ASIC2: variants seen among roughly 807,000 people sequenced by gnomAD.
The protein encoded by ASIC2 is acid sensing ion channel subunit 2, also known as acid-sensing ion channel 2.
ASIC2 carries 25 observed loss-of-function variants against 57.3 expected under a neutral mutation model. That is an observed-to-expected ratio of 0.44 (90% CI 0.32 to 0.61). The LOEUF (loss-of-function observed/expected upper bound fraction) is 0.61. ASIC2 is among the 20% of genes least tolerant of loss of function. The probability of loss-of-function intolerance (pLI) is 0.06; values close to 1 mark genes in which losing one functional copy is unlikely to be tolerated. For synonymous variants in ASIC2, 319 were observed against 307.5 expected (o/e 1.04, Z -0.39); for missense variants, 641 against 738.1 (o/e 0.87, Z 1.52).
intron 1 of ASIC2, among the ~76,000 whole-genome samples, chr17:34,105,317 T>C (rs1030598404): frequency 1.3e-5 from 2 of 151,918 alleles, no homozygotes; most frequent in Non-Finnish European, 2.9e-5. Flanking sequence ...TTCATGTTAT[T>C]ATACTATAGA....
intron 1 of ASIC2, among the ~76,000 whole-genome samples, chr17:33,454,208 T>G (rs1478660227): frequency 6.6e-6 from 1 of 152,192 alleles, no homozygotes; most frequent in Non-Finnish European, 1.5e-5. Context: ...CACAGTGGTG[T>G]TGTGGGAAGT....
At chr17:33,774,690 A>T (rs1310955255) in intron 1 of ASIC2, among the ~76,000 whole-genome samples, 1 of 152,178 alleles carries the variant, frequency 6.6e-6, no homozygotes, top group Non-Finnish European at 1.5e-5. Context: ...GTTTGGAGAC[A>T]TACACACTTT....
intron 1 of ASIC2, among the ~76,000 whole-genome samples, chr17:33,164,705 A>G (rs1425533042): frequency 6.6e-6 from 1 of 152,162 alleles, no homozygotes. Context: ...GCCCTTTGGA[A>G]TCATAACCCA....
chr17:33,816,184 G>T, intron 1 of ASIC2, among the ~76,000 whole-genome samples: 1 of 135,182 alleles, frequency 7.4e-6, no homozygotes, highest in African/African-American at 2.7e-5. Context: ...GGGGCGGGTG[G>T]GGTAGAGAAA....
intron 1 of ASIC2, among the ~76,000 whole-genome samples, chr17:33,797,973 G>T (rs961422159): frequency 5.9e-5 from 9 of 152,146 alleles, no homozygotes; most frequent in African/African-American, 1.2e-4. Flanking sequence ...AGGGATCATC[G>T]CAGTGTGCAA....
chr17:34,065,738 T>TA (rs1326734840), intron 1 of ASIC2, among the ~76,000 whole-genome samples: 1 of 151,968 alleles, frequency 6.6e-6, no homozygotes, highest in East Asian at 1.9e-4. Flanking sequence ...CGTAGATGAA[T>TA]AAGAGGAAAA....
chr17:33,693,958 C>T (rs28562788), intron 1 of ASIC2, among the ~76,000 whole-genome samples: 10,938 of 152,202 alleles, frequency 0.072, 1,269 homozygotes, highest in African/African-American at 0.25. Context: ...CATGTTTGCA[C>T]GTTTTTAAGA....
chr17:33,616,564 A>G (rs1029248570), intron 1 of ASIC2, among the ~76,000 whole-genome samples: 5 of 152,206 alleles, frequency 3.3e-5, no homozygotes, highest in Non-Finnish European at 7.3e-5. Context: ...TGAATAACCT[A>G]GTTGACTGAT....
chr17:33,415,480 A>C lies in ASIC2; in HGVS notation c.556-303413T>G, dbSNP rs542416109. 3.9e-5 allele frequency among the ~76,000 whole-genome samples: 6 copies of C among 152,218 alleles called. No homozygotes were observed. In the South Asian group the frequency reaches 1.2e-3, roughly 32 times the overall value. The stretch of plus-strand genomic sequence containing the variant: ...GAGGTTAGTTAATTATGTAGAACCC[A>C]TGGGCATGTAGAGCCCATTGTATTT... On this transcript the variant is annotated intron_variant, in intron 1 of 9. Coordinates refer to the ASIC2 transcript ENST00000359872.
chr17:33,598,521 T>C (rs1415402663), intron 1 of ASIC2, among the ~76,000 whole-genome samples: 1 of 152,186 alleles, frequency 6.6e-6, no homozygotes, highest in Non-Finnish European at 1.5e-5. Flanking sequence ...ATGTGTTTCC[T>C]GGGTGAAGAC....
At chr17:33,697,425 T>G (rs1908561992) in intron 1 of ASIC2, among the ~76,000 whole-genome samples, 2 of 152,180 alleles carry the variant, frequency 1.3e-5, no homozygotes, top group Admixed American at 1.3e-4. Flanking sequence ...AAGTTGACTC[T>G]TGCAGTTCAA....
At chr17:33,493,159 G>A (rs1442934690) in intron 1 of ASIC2, among the ~76,000 whole-genome samples, 2 of 152,182 alleles carry the variant, frequency 1.3e-5, no homozygotes, top group Admixed American at 6.5e-5. Flanking sequence ...AAACAAAGGG[G>A]AGTTATGGTT....
chr17:34,132,322 A>G (rs931239259), intron 1 of ASIC2, among the ~76,000 whole-genome samples: 4 of 152,114 alleles, frequency 2.6e-5, no homozygotes, highest in Non-Finnish European at 5.9e-5. Context: ...CAGCAGCAAG[A>G]TTTATTGTGA....
intron 1 of ASIC2, among the ~76,000 whole-genome samples, chr17:33,821,227 T>C (rs1396194709): frequency 6.6e-6 from 1 of 152,180 alleles, no homozygotes; most frequent in Non-Finnish European, 1.5e-5. Flanking sequence ...CTTTACTGAA[T>C]GTGTTTCTAT....
At chr17:34,020,634 C>T (rs1907126125) in intron 1 of ASIC2, among the ~76,000 whole-genome samples, 1 of 152,148 alleles carries the variant, frequency 6.6e-6, no homozygotes, top group Non-Finnish European at 1.5e-5. Context: ...AACCAGAAGC[C>T]TCCAGGAGCA....
intron 1 of ASIC2, among the ~76,000 whole-genome samples, chr17:33,864,850 C>T (rs1416124409): frequency 6.6e-6 from 1 of 152,204 alleles, no homozygotes; most frequent in Non-Finnish European, 1.5e-5. Flanking sequence ...ATGAGCCTTT[C>T]TGTCTCTGTA....
At chr17:33,862,864 C>T (rs1914133790) in intron 1 of ASIC2, among the ~76,000 whole-genome samples, 1 of 152,142 alleles carries the variant, frequency 6.6e-6, no homozygotes, top group African/African-American at 2.4e-5. Context: ...GTTTCTTGAC[C>T]AGCGGTTGAA....
intron 1 of ASIC2, among the ~76,000 whole-genome samples, chr17:33,480,770 A>G (rs566476680): frequency 6.6e-6 from 1 of 152,068 alleles, no homozygotes; most frequent in Non-Finnish European, 1.5e-5. Flanking sequence ...CTCTACCCCA[A>G]AGACTTCCCT....
chr17:33,848,866 A>G (rs9902147), intron 1 of ASIC2, among the ~76,000 whole-genome samples: 13,145 of 152,238 alleles, frequency 0.086, 738 homozygotes, highest in African/African-American at 0.16. Flanking sequence ...TGTTAAACAC[A>G]TTATATGCAC....
Sources: gnomAD v4.1 joint callset for allele counts (sites outside exome capture counted in the v4.1 genomes callset) on GRCh38, gnomAD v4.1.1 for gene constraint, MANE v1.5 for transcripts, NCBI Gene and HGNC (gene_info 2026-07-23, HGNC 2026-07-21) for gene names.